TFEC: variants seen among roughly 807,000 people sequenced by gnomAD.
TFEC encodes the protein transcription factor EC.
A neutral mutation model predicts 41.6 loss-of-function variants in TFEC; 31 were observed. The ratio of observed to expected loss-of-function variants is 0.74; its 90% CI spans 0.56 to 1.01. The LOEUF is 1.01. Ranked by LOEUF, TFEC falls within the 50% of genes least tolerant of loss-of-function variation. TFEC has a pLI of 0.00. For synonymous variants in TFEC, 143 were observed against 140.6 expected, an observed-to-expected ratio of 1.02 and a Z score of -0.12; for missense variants, 402 against 404.1, an observed-to-expected ratio of 0.99 and a Z score of 0.04.
intron 1 of TFEC, among the ~76,000 whole-genome samples, chr7:116,138,042 T>C (rs1798468037): frequency 6.6e-6 from 1 of 152,102 alleles, no homozygotes; most frequent in African/African-American, 2.4e-5. Context: ...TCACAATCTT[T>C]CCTCAGGTTA....
At chr7:116,075,956 C>A (rs28802103) in intron 3 of TFEC, among the ~76,000 whole-genome samples, 4 of 152,142 alleles carry the variant, frequency 2.6e-5, no homozygotes, top group Non-Finnish European at 4.4e-5. Flanking sequence ...GCTGGCTGGA[C>A]GCCAACCAAC....
At chr7:116,012,826 GAAAA>G (rs10568835) in intron 1 of TFEC, among the ~76,000 whole-genome samples, 151 of 134,886 alleles carry the variant, frequency 1.1e-3, no homozygotes, top group African/African-American at 3.8e-3. Context: ...TTTATTTCTG[GAAAA>G]AAAAAAAAAA....
chr7:116,062,594 T>C, intron 3 of TFEC, among the ~76,000 whole-genome samples: 1 of 135,914 alleles, frequency 7.4e-6, no homozygotes, highest in Non-Finnish European at 1.6e-5. Context: ...TATATATATA[T>C]ATATATCACA....
intron 1 of TFEC, among the ~76,000 whole-genome samples, chr7:116,144,527 T>C (rs1391209609): frequency 6.6e-6 from 1 of 152,144 alleles, no homozygotes; most frequent in Non-Finnish European, 1.5e-5. Flanking sequence ...TTTATTATTT[T>C]TTTTAGAAAT....
At chr7:115,956,450 A>G (rs1792233975) in intron 4 of TFEC, among the ~76,000 whole-genome samples, 1 of 150,938 alleles carries the variant, frequency 6.6e-6, no homozygotes, top group Admixed American at 6.6e-5. Flanking sequence ...TGTAAAACAT[A>G]TATGTGCATT....
At chr7:115,994,937 G>T (rs1273934844) in intron 1 of TFEC, among the ~76,000 whole-genome samples, 1 of 152,000 alleles carries the variant, frequency 6.6e-6, no homozygotes, top group African/African-American at 2.4e-5. Context: ...GCAAAGACCT[G>T]GAACCAACCC....
At chr7:116,153,967 C>T (rs1006779808) in intron 1 of TFEC, among the ~76,000 whole-genome samples, 14 of 152,178 alleles carry the variant, frequency 9.2e-5, no homozygotes, top group Non-Finnish European at 2.1e-4. Flanking sequence ...GTTTTAAAAT[C>T]TCATGTCTGT....
At chr7:115,983,606 G>A in intron 2 of TFEC, among the ~76,000 whole-genome samples, 1 of 152,056 alleles carries the variant, frequency 6.6e-6, no homozygotes, top group East Asian at 1.9e-4. Flanking sequence ...TCTAGTATCA[G>A]TGTTTCCCAG....
chr7:115,946,838 C>A (rs1385704241), intron 6 of TFEC, among the ~76,000 whole-genome samples: 2 of 151,068 alleles, frequency 1.3e-5, no homozygotes, highest in African/African-American at 4.8e-5. Flanking sequence ...GCCTGGCCCA[C>A]AAGTATCACT....
At chr7:116,039,803 T>C (rs76694663) in intron 3 of TFEC, among the ~76,000 whole-genome samples, 1 of 152,226 alleles carries the variant, frequency 6.6e-6, no homozygotes, top group East Asian at 1.9e-4. Context: ...TTTTGAGTTA[T>C]TTTATTCTTT....
At chr7:116,117,659 A>G (rs1223569436) in intron 1 of TFEC, 6 of 151,870 alleles carry the variant, frequency 4.0e-5, no homozygotes, top group Non-Finnish European at 7.4e-5. Flanking sequence ...ACAAAGACGA[A>G]TAAGTTAGAA....
At chr7:116,080,274 C>T (rs1797057469) in intron 3 of TFEC, among the ~76,000 whole-genome samples, 1 of 152,030 alleles carries the variant, frequency 6.6e-6, no homozygotes, top group Non-Finnish European at 1.5e-5. Context: ...GCAAAGACTT[C>T]ATGACCAAGA....
chr7:115,947,566 T>C (rs911238672), intron 6 of TFEC, among the ~76,000 whole-genome samples: 2 of 151,574 alleles, frequency 1.3e-5, no homozygotes, highest in Non-Finnish European at 2.9e-5. Context: ...TTTCTCCACA[T>C]CCTCTCCAGC....
At chr7:116,072,718 G>A (rs1443006864) in intron 3 of TFEC, among the ~76,000 whole-genome samples, 3 of 151,590 alleles carry the variant, frequency 2.0e-5, no homozygotes, top group Non-Finnish European at 3.0e-5. Flanking sequence ...AAAACCACAT[G>A]AACATCTCAA....
chr7:116,158,295 T>C (rs1490225308), intron 1 of TFEC, among the ~76,000 whole-genome samples: 3 of 152,048 alleles, frequency 2.0e-5, no homozygotes, highest in East Asian at 1.9e-4. Flanking sequence ...TTCTCTTTTT[T>C]CCCCCTCATC....
At chr7:116,134,753 T>C (rs1798403156) in intron 1 of TFEC, among the ~76,000 whole-genome samples, 1 of 152,140 alleles carries the variant, frequency 6.6e-6, no homozygotes, top group Non-Finnish European at 1.5e-5. Context: ...ATGTTCATAT[T>C]AATGGAAAAC....
chr7:116,086,878 G>A (rs888972446), intron 3 of TFEC, among the ~76,000 whole-genome samples: 1 of 151,786 alleles, frequency 6.6e-6, no homozygotes, highest in African/African-American at 2.4e-5. Flanking sequence ...CATTTTCTAC[G>A]AGATTATTCT....
At chr7:116,050,489 T>G (rs541756949) in intron 3 of TFEC, among the ~76,000 whole-genome samples, 7 of 152,290 alleles carry the variant, frequency 4.6e-5, no homozygotes, top group African/African-American at 1.7e-4. Flanking sequence ...GGGTGAAGGA[T>G]ATGAACAGAC....
chr7:115,944,099 C>T (rs1206797904), intron 6 of TFEC, among the ~76,000 whole-genome samples: 2 of 126,168 alleles, frequency 1.6e-5, no homozygotes, highest in Admixed American at 1.9e-4. Flanking sequence ...TATTCTACAC[C>T]AACTATCATT....
Sources: allele counts gnomAD v4.1 joint callset (sites outside exome capture counted in the v4.1 genomes callset), GRCh38; gene constraint gnomAD v4.1.1; transcripts MANE v1.5; gene names NCBI Gene and HGNC (gene_info 2026-07-23, HGNC 2026-07-21).